HSF1: variants seen among roughly 807,000 people sequenced by gnomAD.
The protein encoded by HSF1 is heat shock factor protein 1.
In HSF1, 32 loss-of-function variants were observed where a neutral mutation model predicts 51.7. The ratio of observed to expected loss-of-function variants is 0.62; its 90% confidence interval spans 0.47 to 0.83. The LOEUF (loss-of-function observed/expected upper bound fraction) is 0.83. Among genes scored for constraint, HSF1 ranks in the 40% least tolerant of loss-of-function variants. HSF1 has a pLI of 0.00. For missense variants in HSF1, 727 were observed against 717.0 expected, an observed-to-expected ratio of 1.01 and a Z score of -0.16; for synonymous variants, 396 against 309.7, an observed-to-expected ratio of 1.28 and a Z score of -2.92.
At chr8:144,308,856 ACGCTG>A in intron 1 of HSF1, 45 bp from the exon 2 acceptor site, 1 of 1,464,906 alleles carries the variant, frequency 6.8e-7, no homozygotes, top group Non-Finnish European at 9.6e-7. Context: ...CGGCTTGGGC[ACGCTG>A]CCCCTCACCA....
intron 1 of HSF1, among the ~76,000 whole-genome samples, chr8:144,305,632 T>C (rs1164597407): frequency 6.6e-6 from 1 of 151,620 alleles, no homozygotes; most frequent in Non-Finnish European, 1.5e-5. Flanking sequence ...CTGTCTTTTT[T>C]TCTCCTACTG....
In HSF1 at chr8:144,312,801, G is replaced by T. The variant is rs1816775317; in HGVS notation, c.1142+557G>T. Reference sequence around the variant, plus strand: ...CGTGGACCAGACCCAGCCTGGCCGGGCATGAGCGTCGGGCCTGGGCGGCAG... The same window carrying T: ...CGTGGACCAGACCCAGCCTGGCCGGTCATGAGCGTCGGGCCTGGGCGGCAG... On this transcript the variant is annotated intron_variant, in intron 9 of 12. Transcript: ENST00000528838. The T allele has an allele frequency of 6.5e-6, 8 of 1,231,908 alleles. 1 individual carries two copies. The East Asian group carries it at 2.0e-4, about 31-fold the overall frequency. The allele number at this position is 1,231,908 out of a possible 1,614,324, so 76.3% of individuals were successfully genotyped here.
chr8:144,294,797 C>T (rs1261863134), intron 1 of HSF1, among the ~76,000 whole-genome samples: 1 of 152,184 alleles, frequency 6.6e-6, no homozygotes, highest in East Asian at 1.9e-4. Flanking sequence ...CCATGAGCAC[C>T]CCACCCACAC....
chr8:144,311,886 C>T (rs1816691483), intron 8 of HSF1, 50 bp downstream of exon 8: 1 of 1,585,464 alleles, frequency 6.3e-7, no homozygotes, highest in Non-Finnish European at 8.6e-7. Context: ...AGGCGAGCCC[C>T]TGTGGGCCCA....
chr8:144,313,473 T>G, intron 9 of HSF1, 38 bp from the exon 10 acceptor site: 1 of 1,365,732 alleles, frequency 7.3e-7, no homozygotes, highest in Non-Finnish European at 1.0e-6. Flanking sequence ...GTGTGGGGCC[T>G]GGGGCACTGG....
At chr8:144,292,978 G>C (rs546573979) in intron 1 of HSF1, among the ~76,000 whole-genome samples, 6 of 150,224 alleles carry the variant, frequency 4.0e-5, no homozygotes, top group African/African-American at 1.2e-4. Context: ...AAAAAAGAAA[G>C]GCCACTGATC....
intron 1 of HSF1, among the ~76,000 whole-genome samples, chr8:144,307,490 A>G (rs1478243039): frequency 1.3e-5 from 2 of 152,276 alleles, no homozygotes; most frequent in Non-Finnish European, 2.9e-5. Flanking sequence ...CTGTAATCCC[A>G]GCACTGCAGG....
intron 9 of HSF1, 117 bp from the exon 10 acceptor site, chr8:144,313,394 G>C (rs1354069245): frequency 1.5e-6 from 1 of 683,620 alleles, no homozygotes; most frequent in Admixed American, 2.3e-5. Context: ...AGCCTGTGCA[G>C]GCGTACACGG....
intron 1 of HSF1, among the ~76,000 whole-genome samples, chr8:144,306,917 C>CTA (rs1554843410): frequency 2.7e-5 from 4 of 150,040 alleles, no homozygotes; most frequent in Non-Finnish European, 5.9e-5. Context: ...TTTCCGGGGG[C>CTA]TGTGTGTGTG....
At chr8:144,307,646 A>T (rs1473918577) in intron 1 of HSF1, among the ~76,000 whole-genome samples, 1 of 152,082 alleles carries the variant, frequency 6.6e-6, no homozygotes, top group Non-Finnish European at 1.5e-5. Context: ...AGGCAGGAGA[A>T]TCACTTGAAC....
rs149124758 is a variant in HSF1, at chr8:144,311,813, C to T, written c.837C>T (p.Ser279=). The change falls in exon 8 of 13, where the codon TCC becomes TCT. Residue 279 remains serine, a synonymous_variant. Coordinates refer to ENST00000528838, the MANE Select transcript of HSF1 (RefSeq NM_005526.4). ...TELAPASPMA[S]PGGSIDERPL... Reference sequence around the variant, plus strand: ...TGGCTCCTGCCAGCCCCATGGCCTCCCCCGGCGGGAGCATAGACGAGAGGT... The same window carrying T: ...TGGCTCCTGCCAGCCCCATGGCCTCTCCCGGCGGGAGCATAGACGAGAGGT... 35 of 1,610,860 alleles carry T rather than the reference C, an allele frequency of 2.2e-5. No homozygotes were observed. In the African/African-American group the frequency reaches 3.7e-4, roughly 17 times the overall value.
At chr8:144,294,069 A>G (rs970494628) in intron 1 of HSF1, among the ~76,000 whole-genome samples, 3 of 152,124 alleles carry the variant, frequency 2.0e-5, no homozygotes, top group African/African-American at 7.2e-5. Flanking sequence ...TGGGGAGCCA[A>G]CTGGAATGTG....
In HSF1 at chr8:144,311,223, G is replaced by T. The variant is rs1554844284; in HGVS notation, c.538G>T (p.Ala180Ser). The change falls in exon 5 of 13, where the codon GCC (alanine) becomes TCC (serine). Residue 180 changes from alanine to serine, a missense_variant. Transcript: ENST00000528838. ...GGTGGCCAGCCTTCGGCAGAAGCATGCCCAGCAACAGAAAGTCGTCAACAA... is the reference window on the plus strand; with the variant it reads ...GGTGGCCAGCCTTCGGCAGAAGCATTCCCAGCAACAGAAAGTCGTCAACAA... ...REVASLRQKH[A>S]QQQKVVNKLI... 1 of 1,611,916 alleles carries T rather than the reference G, an allele frequency of 6.2e-7. No homozygotes were observed. Among genetic ancestry groups the T allele is most frequent in the South Asian group, 1.1e-5 (1 of 90,978 alleles).
At chr8:144,313,412 G>A in intron 9 of HSF1, 99 bp from the exon 10 acceptor site, 1 of 789,582 alleles carries the variant, frequency 1.3e-6, no homozygotes, top group Non-Finnish European at 2.1e-6. Flanking sequence ...CGGGGGTGCA[G>A]CCTGGGGGGT....
At chr8:144,301,765 T>C (rs1415123326) in intron 1 of HSF1, among the ~76,000 whole-genome samples, 2 of 151,524 alleles carry the variant, frequency 1.3e-5, no homozygotes, top group Non-Finnish European at 2.9e-5. Context: ...CTCGGGAGGC[T>C]GAGGCAGGAG....
chr8:144,313,407 G>A (rs1297888958), intron 9 of HSF1, 104 bp from the exon 10 acceptor site: 8 of 747,886 alleles, frequency 1.1e-5, no homozygotes, highest in African/African-American at 7.0e-5. Flanking sequence ...GTACACGGGG[G>A]TGCAGCCTGG....
chr8:144,314,365 C>T lies in HSF1; in HGVS notation c.*35C>T. On this transcript the variant is annotated 3_prime_UTR_variant, in exon 13 of 13. Transcript: ENST00000528838. ...AGGAGCTGGGCCAGCCGCCCACCCC[C>T]ACCCCCAGTGCAGGGCTGGTCTTGG... The T allele has an allele frequency of 1.3e-6, 2 of 1,521,662 alleles. No homozygotes were observed. The highest frequency in any genetic ancestry group is 1.8e-6 in the Non-Finnish European group (2 of 1,122,956). 94.3% of individuals were successfully genotyped at this position (1,521,662 alleles called of 1,614,324 possible).
Position 144,312,020 on chromosome 8 carries a change from G to C in HSF1, c.918G>C (p.Gln306His). The C allele has an allele frequency of 6.2e-7, 1 of 1,605,078 alleles. No homozygotes were observed. The highest frequency in any genetic ancestry group is 1.1e-5 in the South Asian group (1 of 90,616). ...AGGAGGAGCCCCCCAGCCCGCCTCAGAGCCCCCGGGTAGAGGAGGCGAGTC... is the reference window on the plus strand; with the variant it reads ...AGGAGGAGCCCCCCAGCCCGCCTCACAGCCCCCGGGTAGAGGAGGCGAGTC... ...RVKEEPPSPPQSPRVEEASPG... is the reference protein window; with the variant it reads ...RVKEEPPSPPHSPRVEEASPG... The change falls in exon 9 of 13, where the codon CAG (glutamine) becomes CAC (histidine). Residue 306 changes from glutamine (Q) to histidine (H), a missense_variant. Physicochemically the swap from Gln to His is conservative, Grantham distance 24 (BLOSUM62 0). This residue lies in a region of HSF1 where 470 missense variants were observed against 398.8 expected (regional missense o/e 1.18). Transcript: ENST00000528838.
In HSF1 at chr8:144,297,996, G is replaced by A. The variant is rs368468847; in HGVS notation, c.117+6122G>A. On this transcript the variant is annotated intron_variant, in intron 1 of 12. Transcript: ENST00000528838. This position sits in a 1 kb window ranked among gnomAD's most constrained non-coding sequence, Gnocchi z 4.6. Reference sequence around the variant, plus strand: ...AGGCTCCAAGTTTACTGCAAGCTGCGGGGTTTGCTGACACCTACACTTCTC... The same window carrying A: ...AGGCTCCAAGTTTACTGCAAGCTGCAGGGTTTGCTGACACCTACACTTCTC... 5.5e-4 allele frequency among the ~76,000 whole-genome samples: 84 copies of A among 152,314 alleles called. No individual in the cohort carries two copies. The highest frequency in any genetic ancestry group is 6.8e-3 in the Middle Eastern group (2 of 294).
Sources: gnomAD v4.1 joint callset for allele counts (sites outside exome capture counted in the v4.1 genomes callset) on GRCh38, gnomAD v4.1.1 for gene constraint, gnomAD v4.1.1 regional missense constraint, Gnocchi (gnomAD v3.1) non-coding constraint, MANE v1.5 for transcripts, NCBI Gene and HGNC (gene_info 2026-07-23, HGNC 2026-07-21) for gene names.